Variants in WBP2NL observed in about 807,000 individuals in gnomAD.
WBP2NL encodes postacrosomal sheath WW domain-binding protein.
WBP2NL carries 27 observed loss-of-function variants against 23.3 expected under a neutral mutation model. That is an observed-to-expected ratio of 1.16 (90% CI 0.85 to 1.60). WBP2NL has a LOEUF of 1.60. WBP2NL is among the 40% of genes most tolerant of loss of function. The probability of loss-of-function intolerance (pLI) is 0.00; values close to 1 mark genes in which losing one functional copy is unlikely to be tolerated. For synonymous variants in WBP2NL, 151 were observed against 145.9 expected, an observed-to-expected ratio of 1.03 and a Z score of -0.25; for missense variants, 370 against 389.5, an observed-to-expected ratio of 0.95 and a Z score of 0.42.
intron 4 of WBP2NL, among the ~76,000 whole-genome samples, chr22:42,020,881 TATATATATATATATATATATATA>T (rs1923863838): frequency 1.1e-4 from 3 of 28,320 alleles, no homozygotes; most frequent in Admixed American, 3.3e-4. Context: ...TATATATATA[TATATATATATATATATATATATA>T]TATATTTTTT....
intron 1 of WBP2NL, 116 bp downstream of exon 1, chr22:41,998,996 C>T (rs1423061390): frequency 4.1e-6 from 5 of 1,230,004 alleles, no homozygotes; most frequent in Non-Finnish European, 2.2e-6. Flanking sequence ...GGGCGCGGCG[C>T]TCTTAGCTCC....
intron 1 of WBP2NL, among the ~76,000 whole-genome samples, chr22:42,009,828 T>C (rs1263079365): frequency 1.3e-5 from 2 of 152,218 alleles, no homozygotes; most frequent in African/African-American, 2.4e-5. Flanking sequence ...ATGATGTCGC[T>C]TTCTGTTTGT....
In WBP2NL at chr22:42,027,524, T is replaced by C. The variant is rs1051058787; in HGVS notation, c.*343T>C. 1.0e-5 allele frequency: 3 copies of C among 300,114 alleles called. No homozygotes were observed. The highest frequency in any genetic ancestry group is 1.8e-5 in the Non-Finnish European group (3 of 162,922). The allele number at this position is 300,114 out of a possible 1,614,324, so 18.6% of individuals were successfully genotyped here. A position where few individuals can be genotyped will look rare whatever the true frequency, so the allele number is the denominator to read the frequency against. Reference sequence around the variant, plus strand: ...ATCCTCATTCAAGAAACATTTATTATGCTCCGTTTGCTAGGCACTAAGATG... The same window carrying C: ...ATCCTCATTCAAGAAACATTTATTACGCTCCGTTTGCTAGGCACTAAGATG... On this transcript the variant is annotated 3_prime_UTR_variant, in exon 6 of 6. Coordinates refer to ENST00000328823, the MANE Select transcript of WBP2NL (RefSeq NM_152613.3).
At chr22:42,002,384 A>G (rs1448944647) in intron 1 of WBP2NL, among the ~76,000 whole-genome samples, 1 of 152,158 alleles carries the variant, frequency 6.6e-6, no homozygotes, top group Non-Finnish European at 1.5e-5. Flanking sequence ...GGAGTTCAAG[A>G]CCAGCCTGGC....
chr22:42,024,719 C>G (rs1390385029), intron 5 of WBP2NL, among the ~76,000 whole-genome samples: 1 of 149,976 alleles, frequency 6.7e-6, no homozygotes, highest in Non-Finnish European at 1.5e-5. Context: ...TGTAAGCATT[C>G]TTTATATAGT....
In WBP2NL at chr22:42,021,671, T is replaced by C. The variant is rs534498432; in HGVS notation, c.407-578T>C. 2.2e-4 allele frequency among the ~76,000 whole-genome samples: 33 copies of C among 152,308 alleles called. No homozygotes were observed. In the South Asian group the frequency reaches 6.8e-3, roughly 32 times the overall value. On this transcript the variant is annotated intron_variant, in intron 4 of 5. Coordinates refer to ENST00000328823, the MANE Select transcript of WBP2NL (RefSeq NM_152613.3). ...TCCTCACTTAGAAGTTTTTTCTGAATATCTGTTATGATTAGGTGCTATGCT... is the reference window on the plus strand; with the variant it reads ...TCCTCACTTAGAAGTTTTTTCTGAACATCTGTTATGATTAGGTGCTATGCT...
Position 41,998,794 on chromosome 22 carries a change from G to C in WBP2NL, c.-25G>C, listed in dbSNP as rs922199421. On this transcript the variant is annotated 5_prime_UTR_variant, in exon 1 of 6. Transcript: ENST00000328823. ...GCAGGTCCCGCCCCTTTCCATCTAC[G>C]GGGCGGCAGGAGGCCCGAAGCAAGA... is the stretch of plus-strand genomic sequence containing the variant. The C allele has an allele frequency of 2.5e-6, 4 of 1,603,166 alleles. No individual in the cohort carries two copies. The highest frequency in any genetic ancestry group is 3.4e-6 in the Non-Finnish European group (4 of 1,174,064).
In WBP2NL at chr22:41,998,833, G is replaced by C; in HGVS notation, c.15G>C (p.Gln5His). ...CCCGAAGCAAGATGGCGGTGAATCA[G>C]AGCCACACCGAGAACCGCCGCGGAG... MAVN[Q>H]SHTENRRGAL... Residue 5 changes from glutamine (Q) to histidine (H), a missense_variant, in exon 1 of 6, where the codon CAG (glutamine) becomes CAC (histidine). Transcript: ENST00000328823. 6.2e-7 allele frequency: 1 copy of C among 1,612,188 alleles called. No homozygotes were observed. The highest frequency in any genetic ancestry group is 8.5e-7 in the Non-Finnish European group (1 of 1,178,886).
Position 42,049,719 on chromosome 22 carries a change from A to C in WBP2NL, c.*274-8571A>C, listed in dbSNP as rs909056730. On this transcript the variant is annotated intron_variant and NMD_transcript_variant, in intron 8 of 8. Coordinates refer to the WBP2NL transcript ENST00000436265. ...ACAAAACAAAACAAAAAAAAAAAAA[A>C]AAAAAAAAAAAATAGAACATTTTGG... 6.7e-5 allele frequency among the ~76,000 whole-genome samples: 10 copies of C among 149,126 alleles called. 1 individual carries two copies. The South Asian group carries it at 1.7e-3, about 25-fold the overall frequency.
At chr22:42,009,369 A>G (rs1319351490) in intron 1 of WBP2NL, among the ~76,000 whole-genome samples, 1 of 151,934 alleles carries the variant, frequency 6.6e-6, no homozygotes, top group African/African-American at 2.4e-5. Flanking sequence ...TTGTTTTTTT[A>G]TCCAAGAAGT....
At chr22:42,057,148 C>CT (rs1185599179) in intron 8 of WBP2NL, among the ~76,000 whole-genome samples, 6 of 152,126 alleles carry the variant, frequency 3.9e-5, no homozygotes, top group Admixed American at 6.6e-5. Flanking sequence ...GCCCCTTTCT[C>CT]TTTTTTTATG....
chr22:42,017,123 ATC>A (rs912019546), intron 1 of WBP2NL, among the ~76,000 whole-genome samples: 5 of 150,948 alleles, frequency 3.3e-5, no homozygotes, highest in African/African-American at 7.3e-5. Context: ...AATGCTACCC[ATC>A]TCTCTCTCTC....
intron 5 of WBP2NL, among the ~76,000 whole-genome samples, chr22:42,024,969 A>G (rs1924346509): frequency 6.6e-6 from 1 of 152,116 alleles, no homozygotes; most frequent in Non-Finnish European, 1.5e-5. Flanking sequence ...TGCACAGCTA[A>G]TCTTTGTATT....
At chr22:42,014,227 T>C (rs1358299382) in intron 1 of WBP2NL, among the ~76,000 whole-genome samples, 4 of 151,584 alleles carry the variant, frequency 2.6e-5, no homozygotes, top group Non-Finnish European at 1.5e-5. Flanking sequence ...GGCTCAGATA[T>C]TCTTTTTTCT....
chr22:42,034,801 C>T (rs1451111418), downstream of WBP2NL, among the ~76,000 whole-genome samples: 1 of 152,244 alleles, frequency 6.6e-6, no homozygotes, highest in Non-Finnish European at 1.5e-5. Flanking sequence ...AGTGATATTT[C>T]TCCCATTTGC....
downstream of WBP2NL, chr22:42,032,656 G>A (rs1333557809): frequency 4.9e-6 from 2 of 407,512 alleles, no homozygotes; most frequent in Non-Finnish European, 1.0e-5. Flanking sequence ...GGTAGGAAGT[G>A]AAACGTATGA....
At chr22:42,049,898 AC>A (rs1167937825) in intron 8 of WBP2NL, among the ~76,000 whole-genome samples, 1 of 148,494 alleles carries the variant, frequency 6.7e-6, no homozygotes, top group Non-Finnish European at 1.5e-5. Context: ...AATTGCTTGA[AC>A]CTGAGAGGCA....
chr22:42,042,166 T>C (rs1458663448), intron 8 of WBP2NL, among the ~76,000 whole-genome samples: 2 of 152,214 alleles, frequency 1.3e-5, no homozygotes, highest in East Asian at 3.8e-4. Context: ...CTATTTGGGA[T>C]CCTATGGGCT....
At chr22:42,004,890 T>C (rs1922065893) in intron 1 of WBP2NL, among the ~76,000 whole-genome samples, 1 of 151,802 alleles carries the variant, frequency 6.6e-6, no homozygotes, top group African/African-American at 2.4e-5. Context: ...CACCATTGCA[T>C]TCCAGCCTGG....
Sources: gnomAD v4.1 joint callset for allele counts (sites outside exome capture counted in the v4.1 genomes callset) on GRCh38, gnomAD v4.1.1 for gene constraint, MANE v1.5 for transcripts, NCBI Gene and HGNC (gene_info 2026-07-23, HGNC 2026-07-21) for gene names.